Variants in AP2B1 observed in about 807,000 individuals in gnomAD.
The protein encoded by AP2B1 is adaptor related protein complex 2 subunit beta 1.
AP2B1 carries 23 observed loss-of-function variants against 102.0 expected under a neutral mutation model. That is an observed-to-expected ratio of 0.23 (90% CI 0.16 to 0.32). AP2B1 has a LOEUF of 0.32. Among genes scored for constraint, AP2B1 ranks in the 10% least tolerant of loss-of-function variants. The pLI is 1.00. For synonymous variants in AP2B1, 381 were observed against 421.2 expected, an observed-to-expected ratio of 0.90 and a Z score of 1.17; for missense variants, 541 against 1,157.4, an observed-to-expected ratio of 0.47 and a Z score of 7.73.
chr17:35,610,629 C>T lies in AP2B1; in HGVS notation c.525+2242C>T, dbSNP rs141982077. ...ATTTTTTTAAAAAATTCGGTGGGGC[C>T]GGGTGCAGTGGCTCATGCCTGTAAT... is the stretch of plus-strand genomic sequence containing the variant. On this transcript the variant is annotated intron_variant, in intron 5 of 21. Coordinates refer to ENST00000610402, the MANE Select transcript of AP2B1 (RefSeq NM_001030006.2). Among the ~76,000 whole-genome samples, 41 of 126,956 alleles carry T rather than the reference C, an allele frequency of 3.2e-4. No individual in the cohort carries two copies. The East Asian group carries it at 0.01, about 31-fold the overall frequency. 83.3% of individuals were successfully genotyped at this position (126,956 alleles called of 152,430 possible).
chr17:35,625,985 A>G (rs1194077711), intron 6 of AP2B1, among the ~76,000 whole-genome samples: 2 of 152,214 alleles, frequency 1.3e-5, no homozygotes, highest in African/African-American at 2.4e-5. Flanking sequence ...TTAAATATCA[A>G]CCATTTTATG....
intron 13 of AP2B1, among the ~76,000 whole-genome samples, chr17:35,655,963 A>T (rs2075208930): frequency 6.6e-6 from 1 of 152,060 alleles, no homozygotes; most frequent in African/African-American, 2.4e-5. Flanking sequence ...TCTTTTTCTT[A>T]ATGATTTGTA....
At chr17:35,659,830 C>G in intron 14 of AP2B1, 2 of 985,266 alleles carry the variant, frequency 2.0e-6, no homozygotes, top group Non-Finnish European at 2.4e-6. Flanking sequence ...TCCCAGAAAT[C>G]AAGATGAGAA....
intron 13 of AP2B1, among the ~76,000 whole-genome samples, chr17:35,653,284 G>A (rs1438151604): frequency 1.3e-5 from 2 of 151,972 alleles, no homozygotes; most frequent in South Asian, 4.2e-4. Flanking sequence ...AGAGGTTGTC[G>A]CTTTCCGAAA....
rs1022636307 is a variant in AP2B1 at position 35,723,931 on chromosome 17, C to T, written c.*232C>T. 4 of 449,788 alleles carry T rather than the reference C, an allele frequency of 8.9e-6. No homozygotes were observed. Among genetic ancestry groups the T allele is most frequent in the African/African-American group, 5.8e-5 (3 of 52,046 alleles). 27.9% of individuals were successfully genotyped at this position (449,788 alleles called of 1,614,324 possible). A position where few individuals can be genotyped will look rare whatever the true frequency, so the allele number is the denominator to read the frequency against. On this transcript the variant is annotated 3_prime_UTR_variant, in exon 22 of 22. Coordinates refer to ENST00000610402, the MANE Select transcript of AP2B1 (RefSeq NM_001030006.2). ...ACCTCCCACCTCTTGCCACCTGCTG[C>T]TGCTATCTGTCCTTACTTGTGGGCT...
intron 18 of AP2B1, among the ~76,000 whole-genome samples, chr17:35,696,808 A>G (rs1430534430): frequency 6.6e-6 from 1 of 151,916 alleles, no homozygotes; most frequent in Non-Finnish European, 1.5e-5. Flanking sequence ...ATTTATTACC[A>G]CCTCCTGCTC....
At chr17:35,653,357 C>T (rs1251263078) in intron 13 of AP2B1, among the ~76,000 whole-genome samples, 1 of 152,258 alleles carries the variant, frequency 6.6e-6, no homozygotes, top group Admixed American at 6.5e-5. Flanking sequence ...CCATCCTACA[C>T]TGACCCACAC....
rs925278110 is a variant in AP2B1 at position 35,703,378 on chromosome 17, A to G, written c.2455-5846A>G. On this transcript the variant is annotated intron_variant, in intron 18 of 21. Transcript: ENST00000610402. ...CATTCTATCATAAAGACACATGCAC[A>G]CCTATGTTCATTGCAGCACTATTCA... is the stretch of plus-strand genomic sequence containing the variant. 2.0e-5 allele frequency among the ~76,000 whole-genome samples: 3 copies of G among 152,190 alleles called. No individual in the cohort carries two copies. In the East Asian group the frequency reaches 5.8e-4, roughly 29 times the overall value.
At chr17:35,604,939 A>T (rs920496239) in intron 3 of AP2B1, among the ~76,000 whole-genome samples, 1 of 151,842 alleles carries the variant, frequency 6.6e-6, no homozygotes, top group South Asian at 2.1e-4. Context: ...TTTTTTTTGG[A>T]TGGGGACAAG....
chr17:35,674,598 A>G (rs2075660732), intron 17 of AP2B1, among the ~76,000 whole-genome samples: 1 of 152,198 alleles, frequency 6.6e-6, no homozygotes, highest in South Asian at 2.1e-4. Context: ...CCAGCTACTC[A>G]GGAGGCTGAA....
intron 21 of AP2B1, among the ~76,000 whole-genome samples, chr17:35,719,284 T>C (rs1205167148): frequency 1.3e-5 from 2 of 152,070 alleles, no homozygotes; most frequent in African/African-American, 4.8e-5. Flanking sequence ...TAGTGGATAG[T>C]ACTATGAACT....
At chr17:35,652,883 A>C (rs981108680) in intron 13 of AP2B1, among the ~76,000 whole-genome samples, 7 of 152,198 alleles carry the variant, frequency 4.6e-5, no homozygotes, top group Admixed American at 3.3e-4. Context: ...ACAGAATTTC[A>C]TGTGTAGAGA....
intron 9 of AP2B1, among the ~76,000 whole-genome samples, chr17:35,628,773 T>C (rs915926037): frequency 6.6e-6 from 1 of 152,228 alleles, no homozygotes; most frequent in Non-Finnish European, 1.5e-5. Flanking sequence ...ATAATGAAGG[T>C]TTTTGTTCCT....
intron 2 of AP2B1, among the ~76,000 whole-genome samples, chr17:35,594,340 T>C (rs1316442958): frequency 1.3e-5 from 2 of 152,224 alleles, no homozygotes; most frequent in African/African-American, 4.8e-5. Flanking sequence ...CATTGGAGAT[T>C]GGTTAAGTGT....
chr17:35,658,884 G>A (rs901878068), intron 14 of AP2B1, among the ~76,000 whole-genome samples: 1 of 151,978 alleles, frequency 6.6e-6, no homozygotes, highest in Non-Finnish European at 1.5e-5. Context: ...AAGGAAATAG[G>A]GTTATAGTCA....
chr17:35,704,598 A>G (rs778679501), intron 18 of AP2B1, among the ~76,000 whole-genome samples: 1 of 152,186 alleles, frequency 6.6e-6, no homozygotes, highest in Non-Finnish European at 1.5e-5. Context: ...ATTATATGCT[A>G]TCATAGAATT....
At chr17:35,718,767 GT>G (rs200713126) in intron 21 of AP2B1, among the ~76,000 whole-genome samples, 97 of 143,376 alleles carry the variant, frequency 6.8e-4, no homozygotes, top group East Asian at 2.2e-3. Context: ...GGTGTGTGTG[GT>G]TTTTTTTTTT....
At chr17:35,671,338 G>A (rs896949045) in intron 15 of AP2B1, among the ~76,000 whole-genome samples, 1 of 152,152 alleles carries the variant, frequency 6.6e-6, no homozygotes, top group African/African-American at 2.4e-5. Context: ...GCCTAAATGG[G>A]AAAGGAAATA....
intron 18 of AP2B1, among the ~76,000 whole-genome samples, chr17:35,688,103 C>G (rs1261837639): frequency 6.6e-6 from 1 of 152,182 alleles, no homozygotes; most frequent in African/African-American, 2.4e-5. Flanking sequence ...CCTGGGACCT[C>G]CTTTCATCTT....
Sources: gnomAD v4.1 joint callset for allele counts (sites outside exome capture counted in the v4.1 genomes callset) on GRCh38, gnomAD v4.1.1 for gene constraint, MANE v1.5 for transcripts, NCBI Gene and HGNC (gene_info 2026-07-23, HGNC 2026-07-21) for gene names.